The following RGS7 variants were observed in gnomAD, a reference collection of about 807,000 sequenced individuals.
The protein encoded by RGS7 is regulator of G protein signaling 7.
A neutral mutation model predicts 81.1 loss-of-function variants in RGS7; 27 were observed. The observed-to-expected ratio is 0.33, with a 90% CI of 0.25 to 0.46. RGS7 has a LOEUF of 0.46. Among genes scored for constraint, RGS7 ranks in the 20% least tolerant of loss-of-function variants. The pLI is 1.00. For synonymous variants in RGS7, 208 were observed against 207.7 expected (o/e 1.00, Z -0.01); for missense variants, 396 against 607.4 (o/e 0.65, Z 3.66).
chr1:240,785,394 C>T (rs74863155), intron 18 of RGS7, among the ~76,000 whole-genome samples: 2,315 of 152,314 alleles, frequency 0.015, 16 homozygotes, highest in Non-Finnish European at 0.025. Flanking sequence ...CTCCGGTTCC[C>T]TCTTTGAATT....
chr1:241,221,675 GAATGTGCCTCATCC>G (rs1460185502), intron 2 of RGS7, among the ~76,000 whole-genome samples: 1 of 152,160 alleles, frequency 6.6e-6, no homozygotes, highest in Admixed American at 6.5e-5. Flanking sequence ...TTGCCTACAA[GAATGTGCCTCATCC>G]AATCAGTTAA....
intron 18 of RGS7, among the ~76,000 whole-genome samples, chr1:240,789,299 G>T (rs1209883574): frequency 6.6e-6 from 1 of 152,176 alleles, no homozygotes; most frequent in Admixed American, 6.5e-5. Context: ...TCAGGACCAT[G>T]TGATGATTGC....
At chr1:240,822,783 T>C (rs377505789) in intron 10 of RGS7, among the ~76,000 whole-genome samples, 1 of 152,202 alleles carries the variant, frequency 6.6e-6, no homozygotes, top group East Asian at 1.9e-4. Context: ...AAAGAATCTT[T>C]TTAGTGCTAT....
At chr1:241,299,953 A>AAG (rs1192800259) in intron 2 of RGS7, among the ~76,000 whole-genome samples, 1 of 150,432 alleles carries the variant, frequency 6.6e-6, no homozygotes, top group African/African-American at 2.4e-5. Flanking sequence ...AAAAAAAAAA[A>AAG]AAAAAGTAAA....
At chr1:241,335,761 CAGG>C (rs1311734112) in intron 2 of RGS7, among the ~76,000 whole-genome samples, 1 of 152,076 alleles carries the variant, frequency 6.6e-6, no homozygotes, top group African/African-American at 2.4e-5. Flanking sequence ...CCAGGGGCTG[CAGG>C]AGAAGCCTTG....
Position 241,144,926 on chromosome 1 carries a change from G to GGTGTGTGTGTGTGTGTGTGTGTGTGT in RGS7, c.79-46190_79-46165dup, listed in dbSNP as rs58610723. ...TCAGTATGTGTTGGCAGGGCAGGAT[G>GGTGTGTGTGTGTGTGTGTGTGTGTGT]GTGTGTGTGTGTGTGTGTGTGTGTG... On this transcript the variant is annotated intron_variant, in intron 2 of 18. Transcript: ENST00000440928. The surrounding 1 kb of genome is among the most constrained non-coding windows in gnomAD (Gnocchi z 4.7). Among the ~76,000 whole-genome samples the GGTGTGTGTGTGTGTGTGTGTGTGTGT allele has an allele frequency of 3.0e-3, 427 of 141,938 alleles. 5 individuals are homozygous for GGTGTGTGTGTGTGTGTGTGTGTGTGT. The highest frequency in any genetic ancestry group is 0.011 in the African/African-American group (411 of 37,388). The allele number at this position is 141,938 out of a possible 152,430, so 93.1% of individuals were successfully genotyped here.
At chr1:241,122,151 T>G (rs976757586) in intron 2 of RGS7, among the ~76,000 whole-genome samples, 4 of 152,196 alleles carry the variant, frequency 2.6e-5, no homozygotes, top group Non-Finnish European at 5.9e-5. Context: ...CAAAAGTAAT[T>G]CAACCCTTGG....
At chr1:241,355,008 A>G (rs1291435937) in intron 2 of RGS7, among the ~76,000 whole-genome samples, 1 of 152,228 alleles carries the variant, frequency 6.6e-6, no homozygotes, top group East Asian at 1.9e-4. Flanking sequence ...TCAGTGTCTA[A>G]AAGTTTGTTG....
At chr1:241,265,756 T>TGATCTCAA (rs1329421484) in intron 2 of RGS7, among the ~76,000 whole-genome samples, 1 of 149,334 alleles carries the variant, frequency 6.7e-6, no homozygotes, top group African/African-American at 2.5e-5. Context: ...CAAGTCACCC[T>TGATCTCAA]GATCTCAAGT....
intron 3 of RGS7, among the ~76,000 whole-genome samples, chr1:241,079,305 T>C (rs185442908): frequency 4.0e-3 from 606 of 152,334 alleles, no homozygotes; most frequent in African/African-American, 0.014. Context: ...ATTTTCTGAA[T>C]GTCTACTGTG....
At chr1:240,927,741 G>T (rs1040464956) in intron 6 of RGS7, among the ~76,000 whole-genome samples, 3 of 152,062 alleles carry the variant, frequency 2.0e-5, no homozygotes, top group Admixed American at 6.6e-5. Flanking sequence ...TAATTTACTT[G>T]TATATAATTC....
Position 240,884,957 on chromosome 1 carries a change from G to A in RGS7, c.386-14838C>T, listed in dbSNP as rs866311849. On this transcript the variant is annotated intron_variant, in intron 6 of 18. Transcript: ENST00000440928. ...CACAGCAGAAGAAATTACCAACAGAGTAAAGAGACAACCTATAGAATAGGA... is the reference window on the plus strand; with the variant it reads ...CACAGCAGAAGAAATTACCAACAGAATAAAGAGACAACCTATAGAATAGGA... Among the ~76,000 whole-genome samples, 3 of 152,228 alleles carry A rather than the reference G, an allele frequency of 2.0e-5. 1 individual carries two copies. Among genetic ancestry groups the A allele is most frequent in the Middle Eastern group, 3.4e-3 (1 of 294 alleles).
At chr1:241,014,377 T>A (rs1219063146) in intron 3 of RGS7, among the ~76,000 whole-genome samples, 1 of 152,228 alleles carries the variant, frequency 6.6e-6, no homozygotes, top group Non-Finnish European at 1.5e-5. Flanking sequence ...ATAGTATCTC[T>A]ATGTATTTAC....
intron 9 of RGS7, among the ~76,000 whole-genome samples, chr1:240,842,199 A>ATTTTTTTTTTGTTTTTTTTTTT (rs1658157552): frequency 1.3e-5 from 1 of 78,676 alleles, no homozygotes; most frequent in African/African-American, 4.7e-5. Context: ...TTTGTCAGGA[A>ATTTTTTTTTTGTTTTTTTTTTT]TTTTTTTTTT....
intron 2 of RGS7, among the ~76,000 whole-genome samples, chr1:241,157,185 C>T (rs2103169323): frequency 6.6e-6 from 1 of 152,094 alleles, no homozygotes; most frequent in South Asian, 2.1e-4. Flanking sequence ...CCACTGGTAG[C>T]TCTTGGAAGA....
At chr1:240,897,710 C>T (rs982237148) in intron 6 of RGS7, among the ~76,000 whole-genome samples, 1 of 152,124 alleles carries the variant, frequency 6.6e-6, no homozygotes, top group South Asian at 2.1e-4. Context: ...ATTTTTGCAT[C>T]AATGTTCATC....
At chr1:241,066,370 G>T (rs2062062278) in intron 3 of RGS7, among the ~76,000 whole-genome samples, 1 of 152,150 alleles carries the variant, frequency 6.6e-6, no homozygotes, top group African/African-American at 2.4e-5. Flanking sequence ...TCCAGCTCAG[G>T]TTTGCTCTGA....
At position 241,162,833 on chromosome 1, in the gene RGS7, C is replaced by G. The variant is rs112413118; in HGVS notation, c.79-64071G>C. 1.4e-3 allele frequency among the ~76,000 whole-genome samples: 211 copies of G among 152,280 alleles called. 1 individual carries two copies. The highest frequency in any genetic ancestry group is 4.9e-3 in the African/African-American group (203 of 41,554). On this transcript the variant is annotated intron_variant, in intron 2 of 18. Transcript: ENST00000440928. ...ATAAGCTTTCTTCCCCGAGTTCACACAGCTAATAAATACAAGAGGAGAATT... is the reference window on the plus strand; with the variant it reads ...ATAAGCTTTCTTCCCCGAGTTCACAGAGCTAATAAATACAAGAGGAGAATT...
At chr1:241,067,589 G>A (rs561767052) in intron 3 of RGS7, among the ~76,000 whole-genome samples, 2 of 150,964 alleles carry the variant, frequency 1.3e-5, no homozygotes, top group African/African-American at 2.4e-5. Flanking sequence ...GCACGATCTC[G>A]GCTCACTGCA....
Sources: gnomAD v4.1 joint callset for allele counts (sites outside exome capture counted in the v4.1 genomes callset) on GRCh38, gnomAD v4.1.1 for gene constraint, Gnocchi (gnomAD v3.1) non-coding constraint, MANE v1.5 for transcripts, NCBI Gene and HGNC (gene_info 2026-07-23, HGNC 2026-07-21) for gene names.